The following ARNT2 variants were observed in gnomAD, a reference collection of about 807,000 sequenced individuals.
The protein encoded by ARNT2 is aryl hydrocarbon receptor nuclear translocator 2.
A neutral mutation model predicts 91.7 loss-of-function variants in ARNT2; 36 were observed. That is an observed-to-expected ratio of 0.39 (90% CI 0.30 to 0.52). The LOEUF is 0.52. ARNT2 is among the 20% of genes least tolerant of loss of function. The pLI is 0.72. For synonymous variants in ARNT2, 365 were observed against 347.1 expected, an observed-to-expected ratio of 1.05 and a Z score of -0.57; for missense variants, 775 against 939.3, an observed-to-expected ratio of 0.83 and a Z score of 2.29.
chr15:80,460,084 C>T (rs1896531531), intron 3 of ARNT2, among the ~76,000 whole-genome samples: 1 of 152,210 alleles, frequency 6.6e-6, no homozygotes, highest in Admixed American at 6.5e-5. Flanking sequence ...AATCAGGCAA[C>T]AGAAGCCCCT....
In ARNT2 at chr15:80,448,179, AC is replaced by A. The variant is rs1896333354; in HGVS notation, c.32-2699del. Reference sequence around the variant, plus strand: ...TGAACATTTCACAGCTGACACTTTGACCTAGAGTAGCCCCGTCACTCATAGC... The same window carrying A: ...TGAACATTTCACAGCTGACACTTTGACTAGAGTAGCCCCGTCACTCATAGC... On this transcript the variant is annotated intron_variant, in intron 1 of 18. Coordinates refer to ENST00000303329, the MANE Select transcript of ARNT2 (RefSeq NM_014862.4). Among the ~76,000 whole-genome samples, 11 of 152,292 alleles carry A rather than the reference AC, an allele frequency of 7.2e-5. No individual in the cohort carries two copies. The South Asian group carries it at 2.3e-3, about 32-fold the overall frequency.
chr15:80,489,055 G>A (rs866086972), intron 5 of ARNT2, among the ~76,000 whole-genome samples: 10 of 152,276 alleles, frequency 6.6e-5, no homozygotes, highest in Non-Finnish European at 1.3e-4. Context: ...TTGAAAAGAC[G>A]AATTGAATCA....
intron 8 of ARNT2, among the ~76,000 whole-genome samples, chr15:80,522,820 G>GTA (rs57416544): frequency 0.051 from 6,892 of 135,574 alleles, 574 homozygotes; most frequent in African/African-American, 0.18. Context: ...GTGTGTGTGT[G>GTA]TATATATATA....
chr15:80,547,211 A>G (rs1031180264), intron 8 of ARNT2, among the ~76,000 whole-genome samples: 4 of 152,120 alleles, frequency 2.6e-5, no homozygotes, highest in Admixed American at 1.3e-4. Flanking sequence ...GTGTGTCAAC[A>G]TTTGCGCTGA....
Position 80,428,807 on chromosome 15 carries a change from T to G in ARNT2, c.32-22073T>G, listed in dbSNP as rs190029163. Among the ~76,000 whole-genome samples, 94 of 152,364 alleles carry G rather than the reference T, an allele frequency of 6.2e-4. 2 individuals carry two copies. The highest frequency in any genetic ancestry group is 6.0e-3 in the Admixed American group (92 of 15,308). ...GCTTTTATTCTGTCATCTGCTCATA[T>G]CCACGTCTGGTCTCTGGATCTAGAA... On this transcript the variant is annotated intron_variant, in intron 1 of 18. Coordinates refer to ENST00000303329, the MANE Select transcript of ARNT2 (RefSeq NM_014862.4).
At chr15:80,451,526 T>C (rs1896390636) in intron 2 of ARNT2, among the ~76,000 whole-genome samples, 1 of 152,230 alleles carries the variant, frequency 6.6e-6, no homozygotes, top group Admixed American at 6.5e-5. Flanking sequence ...GTGTACTTGT[T>C]CTGATAGGGC....
chr15:80,494,052 TTC>T (rs1897091609), intron 5 of ARNT2, among the ~76,000 whole-genome samples: 1 of 152,208 alleles, frequency 6.6e-6, no homozygotes, highest in African/African-American at 2.4e-5. Flanking sequence ...GGCACCATGC[TTC>T]TTATACAGCT....
chr15:80,586,912 A>G (rs1893183570), intron 17 of ARNT2, among the ~76,000 whole-genome samples: 1 of 152,124 alleles, frequency 6.6e-6, no homozygotes, highest in African/African-American at 2.4e-5. Context: ...AATTCAAAAT[A>G]GGGGAACAGG....
At chr15:80,513,575 A>G (rs1171279221) in intron 6 of ARNT2, among the ~76,000 whole-genome samples, 1 of 152,148 alleles carries the variant, frequency 6.6e-6, no homozygotes, top group Non-Finnish European at 1.5e-5. Context: ...CCTAAAAGCC[A>G]TGGAGTTCCA....
chr15:80,417,946 T>C (rs1395764670), intron 1 of ARNT2, among the ~76,000 whole-genome samples: 1 of 152,118 alleles, frequency 6.6e-6, no homozygotes, highest in Non-Finnish European at 1.5e-5. Flanking sequence ...GCTGTTGCCT[T>C]ATATGTAAAA....
At chr15:80,561,659 A>G (rs1305641654) in intron 11 of ARNT2, among the ~76,000 whole-genome samples, 1 of 152,178 alleles carries the variant, frequency 6.6e-6, no homozygotes, top group Non-Finnish European at 1.5e-5. Context: ...TCAGAGTAGC[A>G]TGATGAAATC....
intron 2 of ARNT2, among the ~76,000 whole-genome samples, chr15:80,452,611 G>T (rs931381507): frequency 6.6e-6 from 1 of 152,192 alleles, no homozygotes; most frequent in Non-Finnish European, 1.5e-5. Context: ...TGAGGACAGA[G>T]CCCCATTGCT....
At chr15:80,485,391 A>T (rs747204854) in intron 5 of ARNT2, among the ~76,000 whole-genome samples, 11 of 152,202 alleles carry the variant, frequency 7.2e-5, no homozygotes, top group Non-Finnish European at 1.3e-4. Flanking sequence ...GTACTAACTA[A>T]CTTGGTGCAA....
chr15:80,562,948 C>CT, intron 11 of ARNT2, 140 bp from the exon 12 acceptor site: 1 of 913,746 alleles, frequency 1.1e-6, no homozygotes, highest in Non-Finnish European at 1.7e-6. Flanking sequence ...CTCTCCCTCT[C>CT]TTACTGTCTT....
intron 3 of ARNT2, among the ~76,000 whole-genome samples, chr15:80,463,535 G>T (rs1343977020): frequency 1.3e-5 from 2 of 151,790 alleles, no homozygotes; most frequent in Non-Finnish European, 2.9e-5. Flanking sequence ...TGTAGGAGGG[G>T]TGGCTTTCTA....
intron 1 of ARNT2, among the ~76,000 whole-genome samples, chr15:80,421,317 A>G (rs753058237): frequency 1.8e-4 from 27 of 151,942 alleles, no homozygotes; most frequent in Non-Finnish European, 3.1e-4. Context: ...TTGGGCAACA[A>G]GTACACTAAA....
chr15:80,516,353 G>A (rs190958592), intron 8 of ARNT2, among the ~76,000 whole-genome samples: 11 of 152,136 alleles, frequency 7.2e-5, no homozygotes, highest in Admixed American at 3.9e-4. Context: ...TTTGCGTCAC[G>A]TATTTTGATG....
intron 8 of ARNT2, among the ~76,000 whole-genome samples, chr15:80,515,735 C>CAAA (rs61034995): frequency 4.4e-5 from 6 of 136,144 alleles, no homozygotes; most frequent in African/African-American, 5.3e-5. Context: ...GTTCCTAAAC[C>CAAA]AAAAAAAAAA....
intron 4 of ARNT2, among the ~76,000 whole-genome samples, chr15:80,473,386 G>A (rs1161973725): frequency 6.6e-6 from 1 of 152,132 alleles, no homozygotes; most frequent in Non-Finnish European, 1.5e-5. Flanking sequence ...CCTCCCCACA[G>A]TCTTTGCAAA....
Sources: allele counts gnomAD v4.1 joint callset (sites outside exome capture counted in the v4.1 genomes callset), GRCh38; gene constraint gnomAD v4.1.1; transcripts MANE v1.5; gene names NCBI Gene and HGNC (gene_info 2026-07-23, HGNC 2026-07-21).